VEGFC: variants seen among roughly 807,000 people sequenced by gnomAD.
The protein encoded by VEGFC is FLT4 ligand DHM.
A neutral mutation model predicts 46.1 loss-of-function variants in VEGFC; 12 were observed. The observed-to-expected ratio is 0.26, with a 90% confidence interval of 0.17 to 0.42. The LOEUF is 0.42. Ranked by LOEUF, VEGFC falls within the 10% of genes least tolerant of loss-of-function variation. The pLI, the probability that VEGFC is intolerant of heterozygous loss-of-function variation, is 1.00. For synonymous variants in VEGFC, 232 were observed against 195.5 expected, an observed-to-expected ratio of 1.19 and a Z score of -1.56; for missense variants, 488 against 529.4, an observed-to-expected ratio of 0.92 and a Z score of 0.77.
intron 4 of VEGFC, among the ~76,000 whole-genome samples, chr4:176,708,457 CAG>C (rs920962149): frequency 1.3e-5 from 2 of 151,788 alleles, no homozygotes; most frequent in African/African-American, 4.8e-5. Context: ...AGTATAAAGA[CAG>C]AGTATATTTG....
chr4:176,781,505 G>A (rs534290897), intron 1 of VEGFC, among the ~76,000 whole-genome samples: 58 of 152,278 alleles, frequency 3.8e-4, no homozygotes, highest in African/African-American at 1.4e-3. Flanking sequence ...AAATAGCCTC[G>A]CATCTGGTAT....
At chr4:176,756,240 A>C (rs1735430724) in intron 1 of VEGFC, among the ~76,000 whole-genome samples, 1 of 152,102 alleles carries the variant, frequency 6.6e-6, no homozygotes, top group Admixed American at 6.6e-5. Context: ...AAATGCTTAT[A>C]AGCTATTTTT....
intron 4 of VEGFC, among the ~76,000 whole-genome samples, chr4:176,702,834 AC>A (rs1265559634): frequency 5.3e-5 from 8 of 152,256 alleles, no homozygotes; most frequent in Admixed American, 3.9e-4. Flanking sequence ...AATAAAAAAA[AC>A]ATAAAAACTT....
chr4:176,729,854 A>G, intron 1 of VEGFC, 108 bp from the exon 2 acceptor site: 1 of 645,632 alleles, frequency 1.5e-6, no homozygotes, highest in South Asian at 7.1e-5. Flanking sequence ...GTTCCCTAAC[A>G]CAAATATTAT....
chr4:176,768,301 GA>G (rs1735663822), intron 1 of VEGFC, among the ~76,000 whole-genome samples: 2 of 151,824 alleles, frequency 1.3e-5, no homozygotes, highest in African/African-American at 4.8e-5. Context: ...AGAGTGAATA[GA>G]AATGAAAAAT....
At chr4:176,721,517 G>T (rs946985509) in intron 3 of VEGFC, among the ~76,000 whole-genome samples, 1 of 152,208 alleles carries the variant, frequency 6.6e-6, no homozygotes, top group African/African-American at 2.4e-5. Context: ...TGTCCAAGAG[G>T]AATGGTCTAG....
chr4:176,748,713 A>G (rs1735295912), intron 1 of VEGFC, among the ~76,000 whole-genome samples: 1 of 152,026 alleles, frequency 6.6e-6, no homozygotes, highest in Non-Finnish European at 1.5e-5. Flanking sequence ...GCACTGTCGC[A>G]TATTTTAATT....
At chr4:176,790,473 G>C (rs1736071656) in intron 1 of VEGFC, among the ~76,000 whole-genome samples, 1 of 152,036 alleles carries the variant, frequency 6.6e-6, no homozygotes, top group East Asian at 1.9e-4. Context: ...ACTTTTGAAA[G>C]TTAAAAATAA....
At position 176,729,619 on chromosome 4, in the gene VEGFC, T is replaced by C. The variant is rs949316694; in HGVS notation, c.275A>G (p.His92Arg). ...GTTGAGGTTGGCCTGTTCTCTGTTATGTTGCCAGCCTCCTTTCCTTAGCTG... is the reference window on the plus strand; with the variant it reads ...GTTGAGGTTGGCCTGTTCTCTGTTACGTTGCCAGCCTCCTTTCCTTAGCTG... Reference protein sequence around the residue: ...KCQLRKGGWQHNREQANLNSR... With the variant: ...KCQLRKGGWQRNREQANLNSR... Residue 92 changes from histidine (H) to arginine (R), a missense_variant, in exon 2 of 7, where the codon CAT becomes CGT. Physicochemically the swap from His to Arg is conservative, Grantham distance 29. Coordinates refer to ENST00000618562, the MANE Select transcript of VEGFC (RefSeq NM_005429.5). The C allele has an allele frequency of 1.1e-5, 18 of 1,613,926 alleles. 1 individual carries two copies. Among genetic ancestry groups the C allele is most frequent in the Middle Eastern group, 1.7e-4 (1 of 6,056 alleles).
intron 1 of VEGFC, among the ~76,000 whole-genome samples, chr4:176,774,553 G>A (rs572542375): frequency 4.4e-4 from 67 of 152,186 alleles, no homozygotes; most frequent in African/African-American, 1.5e-3. Flanking sequence ...GACAACATGT[G>A]AAAGAGGAGA....
At chr4:176,729,503 C>A (rs760764826) in intron 2 of VEGFC, 30 bp downstream of exon 2, 1 of 1,592,160 alleles carries the variant, frequency 6.3e-7, no homozygotes. Flanking sequence ...ATATATAAGG[C>A]TTACTATACA....
At chr4:176,763,879 A>G (rs7356446) in intron 1 of VEGFC, among the ~76,000 whole-genome samples, 167 of 152,270 alleles carry the variant, frequency 1.1e-3, no homozygotes, top group African/African-American at 3.9e-3. Context: ...TACAGGTGAT[A>G]AAACTAAGTT....
rs935219829 is a variant in VEGFC at position 176,688,005 on chromosome 4, A to C, written c.705-78T>G. 2.6e-5 allele frequency: 18 copies of C among 705,100 alleles called. No homozygotes were observed. The Admixed American group carries it at 4.8e-4, about 19-fold the overall frequency. The allele number at this position is 705,100 out of a possible 1,614,324, so 43.7% of individuals were successfully genotyped here. ...GACCATCTCTGCTCACATATGTATC[A>C]AAATAATGCTCATAGAAAAGCTTTA... On this transcript the variant is annotated intron_variant, in intron 4 of 6. Transcript: ENST00000618562.
chr4:176,792,638 T>G lies in VEGFC; in HGVS notation c.-327A>C, dbSNP rs2110965469. The G allele has an allele frequency of 8.9e-6, 2 of 224,932 alleles. No individual in the cohort carries two copies. Among genetic ancestry groups the G allele is most frequent in the Admixed American group, 5.8e-5 (1 of 17,154 alleles). 13.9% of individuals were successfully genotyped at this position (224,932 alleles called of 1,614,324 possible). ...GACGCCGCCGCGGTCCGCGTCGGTGTAGCTTTTTGGAGAGGCGGGGCGGGG... is the reference window on the plus strand; with the variant it reads ...GACGCCGCCGCGGTCCGCGTCGGTGGAGCTTTTTGGAGAGGCGGGGCGGGG... On this transcript the variant is annotated 5_prime_UTR_variant, in exon 1 of 7. Transcript: ENST00000618562. This position sits in a 1 kb window ranked among gnomAD's most constrained non-coding sequence, Gnocchi z 6.3.
At chr4:176,756,911 T>C (rs2110903608) in intron 1 of VEGFC, among the ~76,000 whole-genome samples, 1 of 152,208 alleles carries the variant, frequency 6.6e-6, no homozygotes, top group East Asian at 1.9e-4. Context: ...AGAAGCTTTT[T>C]GACTTCCTAA....
intron 1 of VEGFC, among the ~76,000 whole-genome samples, chr4:176,752,592 C>T (rs918533508): frequency 2.6e-5 from 4 of 152,108 alleles, no homozygotes; most frequent in African/African-American, 7.2e-5. Flanking sequence ...TCAGTAGTGA[C>T]GCAAAGATGA....
At chr4:176,720,041 A>G (rs1734757855) in intron 3 of VEGFC, among the ~76,000 whole-genome samples, 1 of 151,978 alleles carries the variant, frequency 6.6e-6, no homozygotes, top group Non-Finnish European at 1.5e-5. Flanking sequence ...CCTGGGTGAC[A>G]AGAGTGAGAC....
At chr4:176,765,370 G>A (rs1406116624) in intron 1 of VEGFC, among the ~76,000 whole-genome samples, 1 of 151,840 alleles carries the variant, frequency 6.6e-6, no homozygotes, top group Non-Finnish European at 1.5e-5. Flanking sequence ...TTAACTGGAG[G>A]ATAGAGACTA....
Position 176,711,516 on chromosome 4 carries a change from C to T in VEGFC, c.687G>A (p.Leu229=). 6.2e-7 allele frequency: 1 copy of T among 1,612,154 alleles called. No individual in the cohort carries two copies. Among genetic ancestry groups the T allele is most frequent in the Non-Finnish European group, 8.5e-7 (1 of 1,179,012 alleles). The change falls in exon 4 of 7, where the codon CTG becomes CTA. Residue 229 remains leucine (L), a synonymous_variant. Coordinates refer to ENST00000618562, the MANE Select transcript of VEGFC (RefSeq NM_005429.5). ...ATACTCACTGTGGTAGTGTTGCTGGCAGGGAACGTCTAATAATGGAATGAA... is the reference window on the plus strand; with the variant it reads ...ATACTCACTGTGGTAGTGTTGCTGGTAGGGAACGTCTAATAATGGAATGAA... ...RQVHSIIRRS[L]PATLPQCQAA...
Sources: allele counts gnomAD v4.1 joint callset (sites outside exome capture counted in the v4.1 genomes callset), GRCh38; gene constraint gnomAD v4.1.1; non-coding constraint Gnocchi (gnomAD v3.1); transcripts MANE v1.5; gene names NCBI Gene and HGNC (gene_info 2026-07-23, HGNC 2026-07-21).